Variants in MTHFD1L observed in about 807,000 individuals in gnomAD.
MTHFD1L encodes the protein methylenetetrahydrofolate dehydrogenase (NADP+ dependent) 1 like.
MTHFD1L carries 81 observed loss-of-function variants against 119.5 expected under a neutral mutation model. That is an observed-to-expected ratio of 0.68 (90% CI 0.57 to 0.82). MTHFD1L has a LOEUF of 0.82. Ranked by LOEUF, MTHFD1L falls within the 40% of genes least tolerant of loss-of-function variation. The probability of loss-of-function intolerance (pLI) is 0.00; values close to 1 mark genes in which losing one functional copy is unlikely to be tolerated. For missense variants in MTHFD1L, 1,125 were observed against 1,253.4 expected, an observed-to-expected ratio of 0.90 and a Z score of 1.55; for synonymous variants, 430 against 475.2, an observed-to-expected ratio of 0.90 and a Z score of 1.24.
rs564690657 is a variant in MTHFD1L, at chr6:150,871,931, G to A, written c.228-4159G>A. 1.4e-3 allele frequency among the ~76,000 whole-genome samples: 217 copies of A among 151,310 alleles called. 2 individuals are homozygous for A. The highest frequency in any genetic ancestry group is 2.7e-3 in the Non-Finnish European group (183 of 67,912). On this transcript the variant is annotated intron_variant, in intron 1 of 27. Coordinates refer to ENST00000367321, the MANE Select transcript of MTHFD1L (RefSeq NM_015440.5). The stretch of plus-strand genomic sequence containing the variant: ...CTCACTCTTTCACCCAGGCTGGAGT[G>A]CAGTGGCGCGATCTCTGCTCACTGC...
At chr6:150,974,046 G>C (rs995169775) in intron 20 of MTHFD1L, among the ~76,000 whole-genome samples, 2 of 152,198 alleles carry the variant, frequency 1.3e-5, no homozygotes, top group African/African-American at 4.8e-5. Flanking sequence ...TAAGTGGGGG[G>C]GTTTTTCATG....
intron 10 of MTHFD1L, among the ~76,000 whole-genome samples, chr6:150,922,977 G>A (rs1789257932): frequency 6.6e-6 from 1 of 152,058 alleles, no homozygotes; most frequent in African/African-American, 2.4e-5. Context: ...GGTCCATGAA[G>A]TAATGGTTTT....
intron 20 of MTHFD1L, among the ~76,000 whole-genome samples, chr6:150,996,949 C>G (rs939203998): frequency 6.6e-6 from 1 of 152,212 alleles, no homozygotes; most frequent in Non-Finnish European, 1.5e-5. Flanking sequence ...AGAGCCACCT[C>G]TGCTCCCAGG....
intron 5 of MTHFD1L, among the ~76,000 whole-genome samples, chr6:150,883,709 G>A (rs776293370): frequency 6.6e-6 from 1 of 152,166 alleles, no homozygotes; most frequent in Non-Finnish European, 1.5e-5. Flanking sequence ...AGTGACATAA[G>A]CTTCATAGAA....
At chr6:151,094,210 C>T (rs923084792) in intron 27 of MTHFD1L, among the ~76,000 whole-genome samples, 1 of 152,244 alleles carries the variant, frequency 6.6e-6, no homozygotes, top group African/African-American at 2.4e-5. Flanking sequence ...CCCAGAACCT[C>T]TCCCTCTTGC....
intron 21 of MTHFD1L, among the ~76,000 whole-genome samples, chr6:151,012,130 T>G (rs1782369030): frequency 6.6e-6 from 1 of 151,564 alleles, no homozygotes; most frequent in Non-Finnish European, 1.5e-5. Flanking sequence ...TCACATTGTT[T>G]CATGAATGCC....
chr6:150,885,702 C>T lies in MTHFD1L; in HGVS notation c.611C>T (p.Ala204Val). The stretch of plus-strand genomic sequence containing the variant: ...CATGAATGTTTTGTTTCACCTGTTG[C>T]CAAAGCTGTAATTGAACTTCTTGAA... ...DAHECFVSPV[A>V]KAVIELLEKS... The change falls in exon 6 of 28, where the codon GCC (alanine) becomes GTC (valine). Residue 204 changes from alanine (A) to valine (V), a missense_variant. Physicochemically the swap from Ala to Val is moderately conservative, Grantham distance 64. This residue lies in a region of MTHFD1L where 1,058 missense variants were observed against 1,151.2 expected (regional missense o/e 0.92). Transcript: ENST00000367321. 6.2e-7 allele frequency: 1 copy of T among 1,613,818 alleles called. No homozygotes were observed. Among genetic ancestry groups the T allele is most frequent in the African/African-American group, 1.3e-5 (1 of 75,016 alleles).
chr6:150,930,626 C>T (rs971830045), intron 11 of MTHFD1L, among the ~76,000 whole-genome samples: 1 of 151,892 alleles, frequency 6.6e-6, no homozygotes, highest in Admixed American at 6.6e-5. Context: ...GCCTTTTTCT[C>T]TGAACACTGT....
At chr6:150,974,433 C>G (rs1031588160) in intron 20 of MTHFD1L, among the ~76,000 whole-genome samples, 1 of 152,090 alleles carries the variant, frequency 6.6e-6, no homozygotes, top group Non-Finnish European at 1.5e-5. Context: ...ATAAAATACA[C>G]GTAACATGAA....
chr6:151,017,654 TTTA>T (rs1783303667), intron 24 of MTHFD1L, among the ~76,000 whole-genome samples: 1 of 152,002 alleles, frequency 6.6e-6, no homozygotes, highest in African/African-American at 2.4e-5. Context: ...CAGAATTTCC[TTTA>T]TTTTTCGGGC....
At chr6:151,052,157 G>T (rs889645281) in intron 26 of MTHFD1L, among the ~76,000 whole-genome samples, 4 of 152,208 alleles carry the variant, frequency 2.6e-5, no homozygotes, top group Non-Finnish European at 5.9e-5. Flanking sequence ...TGACTGACCC[G>T]CGAGTGCCCT....
chr6:150,895,650 A>G (rs993290497), intron 7 of MTHFD1L, among the ~76,000 whole-genome samples: 3 of 135,620 alleles, frequency 2.2e-5, no homozygotes, highest in African/African-American at 8.3e-5. Flanking sequence ...CTGAACTATT[A>G]CAAAGTCCTT....
intron 12 of MTHFD1L, among the ~76,000 whole-genome samples, chr6:150,937,911 A>G (rs571808681): frequency 2.0e-5 from 3 of 152,326 alleles, no homozygotes; most frequent in African/African-American, 7.2e-5. Flanking sequence ...AACAACCAAC[A>G]TTTTGAGGGA....
intron 20 of MTHFD1L, among the ~76,000 whole-genome samples, chr6:151,003,412 G>A (rs925049802): frequency 1.2e-4 from 18 of 152,064 alleles, no homozygotes; most frequent in African/African-American, 4.3e-4. Context: ...GGTGCCTGTA[G>A]TCCCACCTAC....
At chr6:151,062,145 T>C (rs888949762) in intron 26 of MTHFD1L, among the ~76,000 whole-genome samples, 2 of 152,164 alleles carry the variant, frequency 1.3e-5, no homozygotes, top group East Asian at 1.9e-4. Flanking sequence ...ATTAAGACCT[T>C]TCTCTCCAAG....
intron 20 of MTHFD1L, among the ~76,000 whole-genome samples, chr6:151,002,814 G>C (rs1443196760): frequency 1.3e-5 from 2 of 152,172 alleles, no homozygotes; most frequent in East Asian, 3.8e-4. Flanking sequence ...AAAGCGCCAG[G>C]CTCCTTCCTC....
intron 20 of MTHFD1L, among the ~76,000 whole-genome samples, chr6:151,007,768 G>A (rs1045079285): frequency 6.6e-6 from 1 of 152,174 alleles, no homozygotes; most frequent in African/African-American, 2.4e-5. Context: ...GCATTACCAG[G>A]AGGTACCACT....
chr6:150,945,431 C>T, intron 14 of MTHFD1L, 36 bp from the exon 15 acceptor site: 1 of 1,567,714 alleles, frequency 6.4e-7, no homozygotes, highest in Non-Finnish European at 8.7e-7. Context: ...GGACAACTAA[C>T]TTTTGTGTGG....
rs368758631 is a variant in MTHFD1L, at chr6:151,037,065, G to T, written c.2795G>T (p.Ser932Ile). The T allele has an allele frequency of 2.5e-6, 4 of 1,611,844 alleles. No homozygotes were observed. Among genetic ancestry groups the T allele is most frequent in the African/African-American group, 2.7e-5 (2 of 74,826 alleles). The part of the protein sequence containing the change: ...GVPRDFILPI[S>I]DVRASIGAGF... The stretch of plus-strand genomic sequence containing the variant: ...CCAAGGGACTTCATCTTACCTATCA[G>T]TGACGTCCGGGCCAGCATAGGCGCT... The change falls in exon 26 of 28, where the codon AGT becomes ATT. Residue 932 changes from serine to isoleucine, a missense_variant. Physicochemically the swap from Ser to Ile is moderately radical, Grantham distance 142. Transcript: ENST00000367321.
Sources: gnomAD v4.1 joint callset for allele counts (sites outside exome capture counted in the v4.1 genomes callset) on GRCh38, gnomAD v4.1.1 for gene constraint, gnomAD v4.1.1 regional missense constraint, MANE v1.5 for transcripts, NCBI Gene and HGNC (gene_info 2026-07-23, HGNC 2026-07-21) for gene names.